Variants in SZT2 observed in about 807,000 individuals in gnomAD.
The protein encoded by SZT2 is KICSTOR complex protein SZT2.
In SZT2, 216 loss-of-function variants were observed where a neutral mutation model predicts 404.2. The observed-to-expected ratio is 0.53, with a 90% CI of 0.48 to 0.60. The LOEUF (loss-of-function observed/expected upper bound fraction) is 0.60, where lower values mean the gene tolerates loss of function less well. Among genes scored for constraint, SZT2 ranks in the 20% least tolerant of loss-of-function variants. The pLI is 0.00. For missense variants in SZT2, 3,857 were observed against 4,459.2 expected (o/e 0.86, Z 3.85); for synonymous variants, 1,693 against 1,749.9 (o/e 0.97, Z 0.81).
Position 43,394,112 on chromosome 1 carries a change from A to G in SZT2, c.27+4117A>G, listed in dbSNP as rs1285385776. 6.1e-6 allele frequency: 6 copies of G among 982,834 alleles called. No individual in the cohort carries two copies. The African/African-American group carries it at 1.1e-4, about 17-fold the overall frequency. The allele number at this position is 982,834 out of a possible 1,614,324, so 60.9% of individuals were successfully genotyped here. On this transcript the variant is annotated intron_variant, in intron 1 of 71. Coordinates refer to ENST00000634258, the MANE Select transcript of SZT2 (RefSeq NM_001365999.1). ...GACTTGAAGCTCCATGTGAGTGTGG[A>G]TGCTCTGAGAACTAATTCAGGGATT...
chr1:43,406,854 T>C (rs1056211673), intron 4 of SZT2: 1 of 152,254 alleles, frequency 6.6e-6, no homozygotes, highest in African/African-American at 2.4e-5. Context: ...CATATGGTGA[T>C]TGAATTAATA....
Position 43,441,473 on chromosome 1 carries a change from GACATGAGGCTCTT to G in SZT2, c.7512-28_7512-16del, listed in dbSNP as rs1655053331. 1 of 1,610,532 alleles carries G rather than the reference GACATGAGGCTCTT, an allele frequency of 6.2e-7. No homozygotes were observed. Among genetic ancestry groups the G allele is most frequent in the African/African-American group, 1.3e-5 (1 of 74,898 alleles). ...TATAAACATACAAGTGTCATGTATG[GACATGAGGCTCTT>G]ACTCCCACTGTCTTCAGGCGCCGGA... On this transcript the variant is annotated intron_variant, in intron 53 of 71. Coordinates refer to ENST00000634258, the MANE Select transcript of SZT2 (RefSeq NM_001365999.1). This position sits in a 1 kb window ranked among gnomAD's most constrained non-coding sequence, Gnocchi z 4.8.
Position 43,453,488 on chromosome 1 carries a change from T to G in SZT2, c.*3008T>G. On this transcript the variant is annotated 3_prime_UTR_variant, in exon 72 of 72. Coordinates refer to ENST00000634258, the MANE Select transcript of SZT2 (RefSeq NM_001365999.1). ...GGCCCCCAGCCCCATTTCCCCCTTC[T>G]CTTGGTCTCCTGCAGAGAGAACGGG... 6.4e-7 allele frequency: 1 copy of G among 1,556,076 alleles called. No individual in the cohort carries two copies. The highest frequency in any genetic ancestry group is 1.4e-5 in the African/African-American group (1 of 73,174).
At chr1:43,392,934 T>C (rs1211715496) in intron 1 of SZT2, among the ~76,000 whole-genome samples, 1 of 152,206 alleles carries the variant, frequency 6.6e-6, no homozygotes, top group African/African-American at 2.4e-5. Flanking sequence ...AGAATTGTGC[T>C]AAGTATCAGG....
intron 1 of SZT2, among the ~76,000 whole-genome samples, chr1:43,398,556 A>C (rs1483471109): frequency 6.6e-6 from 1 of 152,186 alleles, no homozygotes; most frequent in Non-Finnish European, 1.5e-5. Flanking sequence ...TCCCACCCAC[A>C]CTAGCTAAGT....
At chr1:43,429,876 T>G (rs749700198) in intron 29 of SZT2, 32 bp downstream of exon 29, 7 of 1,613,556 alleles carry the variant, frequency 4.3e-6, no homozygotes, top group Non-Finnish European at 5.9e-6. Flanking sequence ...AGAAGAGGTG[T>G]TAGAGTCCTG....
At chr1:43,433,407 G>A (rs1654135669) in intron 40 of SZT2, among the ~76,000 whole-genome samples, 1 of 152,224 alleles carries the variant, frequency 6.6e-6, no homozygotes, top group South Asian at 2.1e-4. Flanking sequence ...GAGTCGAAAA[G>A]CTGATGGGGA....
chr1:43,422,346 G>A (rs1652465876), intron 12 of SZT2, 121 bp downstream of exon 12: 5 of 1,483,978 alleles, frequency 3.4e-6, no homozygotes. Context: ...AAAAACTATA[G>A]CCTTTTCCTT....
intron 4 of SZT2, chr1:43,409,428 CA>C (rs1359829117): frequency 2.8e-6 from 1 of 360,278 alleles, no homozygotes; most frequent in African/African-American, 2.1e-5. Flanking sequence ...CTAGAATAGT[CA>C]GACAAGAGAA....
Position 43,439,230 on chromosome 1 carries a change from T to C in SZT2, c.6793-128T>C. 1 of 1,515,758 alleles carries C rather than the reference T, an allele frequency of 6.6e-7. No individual in the cohort carries two copies. Among genetic ancestry groups the C allele is most frequent in the Non-Finnish European group, 9.1e-7 (1 of 1,098,240 alleles). The allele number at this position is 1,515,758 out of a possible 1,614,324, so 93.9% of individuals were successfully genotyped here. A position where few individuals can be genotyped will look rare whatever the true frequency, so the allele number is the denominator to read the frequency against. Reference sequence around the variant, plus strand: ...TACACCCATGCCCCCCCGGGGACCATTATTACCCGCCTGTGTCTTCTCATG... The same window carrying C: ...TACACCCATGCCCCCCCGGGGACCACTATTACCCGCCTGTGTCTTCTCATG... On this transcript the variant is annotated intron_variant, in intron 48 of 71. Transcript: ENST00000634258. The surrounding 1 kb of genome is among the most constrained non-coding windows in gnomAD (Gnocchi z 4.2).
At chr1:43,432,019 C>T (rs1017907917) in intron 36 of SZT2, 118 bp downstream of exon 36, 4 of 1,298,186 alleles carry the variant, frequency 3.1e-6, no homozygotes, top group Non-Finnish European at 3.2e-6. Flanking sequence ...CCTCCTGTCT[C>T]CCTGCTCACC....
chr1:43,438,893 T>A (rs750834904), intron 47 of SZT2, 36 bp from the exon 48 acceptor site: 1 of 1,613,684 alleles, frequency 6.2e-7, no homozygotes, highest in Non-Finnish European at 8.5e-7. Context: ...CTGGAACTTC[T>A]GCATTCAGCT....
chr1:43,431,579 A>G (rs1653891102), intron 35 of SZT2, 56 bp downstream of exon 35: 1 of 1,609,578 alleles, frequency 6.2e-7, no homozygotes, highest in Middle Eastern at 1.7e-4. Flanking sequence ...TATGAGTGAG[A>G]TAAGGTACCC....
At position 43,430,805 on chromosome 1, in the gene SZT2, C is replaced by A; in HGVS notation, c.4774+16C>A. ...ACCTGCCTGGGTGAGTTTGAGGCAG[C>A]CCGAGGGAAAGCCAAAGGTCCTGGA... On this transcript the variant is annotated intron_variant, in intron 32 of 71. Transcript: ENST00000634258. 1 of 1,599,386 alleles carries A rather than the reference C, an allele frequency of 6.3e-7. No individual in the cohort carries two copies. The highest frequency in any genetic ancestry group is 1.1e-5 in the South Asian group (1 of 89,580).
At position 43,454,118 on chromosome 1, in the gene SZT2, G is replaced by A; in HGVS notation, c.*3638G>A. 1.1e-6 allele frequency: 1 copy of A among 952,194 alleles called. No homozygotes were observed. The highest frequency in any genetic ancestry group is 5.1e-5 in the South Asian group (1 of 19,630). The allele number at this position is 952,194 out of a possible 1,614,324, so 59.0% of individuals were successfully genotyped here. Reference sequence around the variant, plus strand: ...AAGCAAGAGAGAGCTGGCTGCCCGAGGGCCCGGTTGCAATGATGGGACGCG... The same window carrying A: ...AAGCAAGAGAGAGCTGGCTGCCCGAAGGCCCGGTTGCAATGATGGGACGCG... On this transcript the variant is annotated 3_prime_UTR_variant, in exon 72 of 72. Coordinates refer to ENST00000634258, the MANE Select transcript of SZT2 (RefSeq NM_001365999.1).
Position 43,416,019 on chromosome 1 carries a change from G to A in SZT2, c.690G>A (p.Met230Ile). The A allele has an allele frequency of 3.8e-6, 6 of 1,598,402 alleles. No individual in the cohort carries two copies. The highest frequency in any genetic ancestry group is 2.7e-5 in the African/African-American group (2 of 75,058). Residue 230 changes from methionine to isoleucine, a missense_variant, in exon 6 of 72, where the codon ATG (methionine) becomes ATA (isoleucine). By Grantham distance (10) the Met-to-Ile change is conservative. This residue lies in a region of SZT2 where 536 missense variants were observed against 637.4 expected (regional missense o/e 0.84). Coordinates refer to ENST00000634258, the MANE Select transcript of SZT2 (RefSeq NM_001365999.1). ...DLLGRKVGVS[M>I]VTADLGLVSM... The stretch of plus-strand genomic sequence containing the variant: ...TGGGCCGGAAGGTAGGCGTCTCCAT[G>A]GTGACAGCTGATCTTGGGCTGGTCA...
At position 43,424,185 on chromosome 1, in the gene SZT2, A is replaced by C; in HGVS notation, c.2256-32A>C. On this transcript the variant is annotated intron_variant, in intron 15 of 71. Transcript: ENST00000634258. This position sits in a 1 kb window ranked among gnomAD's most constrained non-coding sequence, Gnocchi z 4.1. ...AGGGCGTGGCTTAGCCGGGGATGAG[A>C]GAGATAGCTGGGGAGTTGTCCCATT... 1 of 1,576,966 alleles carries C rather than the reference A, an allele frequency of 6.3e-7. No individual in the cohort carries two copies. The highest frequency in any genetic ancestry group is 8.6e-7 in the Non-Finnish European group (1 of 1,164,510).
In SZT2 at chr1:43,433,179, T is replaced by C. The variant is rs778440853; in HGVS notation, c.5793T>C (p.Tyr1931=). 3 of 1,613,594 alleles carry C rather than the reference T, an allele frequency of 1.9e-6. No individual in the cohort carries two copies. Among genetic ancestry groups the C allele is most frequent in the East Asian group, 2.2e-5 (1 of 44,876 alleles). Residue 1931 remains tyrosine, a synonymous_variant, in exon 40 of 72, where the codon TAT becomes TAC. Coordinates refer to ENST00000634258, the MANE Select transcript of SZT2 (RefSeq NM_001365999.1). ...VRVLQDRVEV[Y]AHARSLIRED... is the part of the protein sequence containing the mutation. ...TCCTGCAGGACCGTGTGGAAGTGTA[T>C]GCACATGCACGGTAAGTAGAAGCCA...
Position 43,432,758 on chromosome 1 carries a change from G to T in SZT2, c.5561G>T (p.Ser1854Ile). The change falls in exon 39 of 72, where the codon AGT becomes ATT. Residue 1854 changes from serine (S) to isoleucine (I), a missense_variant. Physicochemically the swap from Ser to Ile is moderately radical, Grantham distance 142 (BLOSUM62 -2). Around this residue, in one of 7 missense-constraint regions of SZT2, gnomAD observed 1,725 missense variants for 1,881.0 expected, o/e 0.92. Coordinates refer to ENST00000634258, the MANE Select transcript of SZT2 (RefSeq NM_001365999.1). ...GSQPGPSRGL[S>I]LMSSQGSVDS... Reference sequence around the variant, plus strand: ...CAGCCTGGGCCCAGCCGGGGATTAAGTCTCATGTCCAGTCAGGGCAGTGTG... The same window carrying T: ...CAGCCTGGGCCCAGCCGGGGATTAATTCTCATGTCCAGTCAGGGCAGTGTG... The T allele has an allele frequency of 6.2e-7, 1 of 1,614,000 alleles. No individual in the cohort carries two copies. The highest frequency in any genetic ancestry group is 8.5e-7 in the Non-Finnish European group (1 of 1,179,972).
Sources: allele counts gnomAD v4.1 joint callset (sites outside exome capture counted in the v4.1 genomes callset), GRCh38; gene constraint gnomAD v4.1.1; regional missense constraint gnomAD v4.1.1; non-coding constraint Gnocchi (gnomAD v3.1); transcripts MANE v1.5; gene names NCBI Gene and HGNC (gene_info 2026-07-23, HGNC 2026-07-21).